CD44: variants seen among roughly 807,000 people sequenced by gnomAD.
CD44 encodes CD44 antigen.
CD44 carries 49 observed loss-of-function variants against 88.8 expected under a neutral mutation model. The ratio of observed to expected loss-of-function variants is 0.55; its 90% CI spans 0.44 to 0.70. CD44 has a LOEUF of 0.70. Ranked by LOEUF, CD44 falls within the 30% of genes least tolerant of loss-of-function variation. The pLI, the probability that CD44 is intolerant of heterozygous loss-of-function variation, is 0.00. For missense variants in CD44, 883 were observed against 913.8 expected, an observed-to-expected ratio of 0.97 and a Z score of 0.43; for synonymous variants, 325 against 312.3, an observed-to-expected ratio of 1.04 and a Z score of -0.43.
intron 7 of CD44, chr11:35,200,580 T>C: frequency 6.4e-6 from 1 of 156,048 alleles, no homozygotes; most frequent in South Asian, 1.9e-4. Flanking sequence ...CTCTAGCTGC[T>C]CAGGCATTCC....
chr11:35,225,054 A>C (rs1445517816), intron 17 of CD44, among the ~76,000 whole-genome samples: 1 of 126,574 alleles, frequency 7.9e-6, no homozygotes, highest in East Asian at 2.2e-4. Context: ...GTGATGATGG[A>C]AATATTCTAT....
At chr11:35,221,305 C>T (rs2134356894) in intron 16 of CD44, among the ~76,000 whole-genome samples, 1 of 152,272 alleles carries the variant, frequency 6.6e-6, no homozygotes, top group South Asian at 2.1e-4. Context: ...AAAAAATGTT[C>T]CTTTCAAAAG....
At chr11:35,204,841 G>A in intron 10 of CD44, 1 of 511,684 alleles carries the variant, frequency 2.0e-6, no homozygotes, top group Non-Finnish European at 3.5e-6. Flanking sequence ...ATACAAGCCA[G>A]TTATGAATAA....
intron 1 of CD44, among the ~76,000 whole-genome samples, chr11:35,171,618 T>A (rs1943899434): frequency 6.6e-6 from 1 of 152,168 alleles, no homozygotes; most frequent in African/African-American, 2.4e-5. Context: ...AAAATGTTCA[T>A]GGAAAAATGA....
At position 35,230,733 on chromosome 11, in the gene CD44, C is replaced by G. The variant is rs889216361; in HGVS notation, c.*1400C>G. On this transcript the variant is annotated 3_prime_UTR_variant, in exon 18 of 18. Transcript: ENST00000428726. The stretch of plus-strand genomic sequence containing the variant: ...TCCTCTAACCTCATATTTTCTCCCA[C>G]TTGGCAAGTCCTTTGTGGCATTTAT... 5.9e-5 allele frequency: 9 copies of G among 152,216 alleles called. No homozygotes were observed. Among genetic ancestry groups the G allele is most frequent in the African/African-American group, 2.2e-4 (9 of 41,456 alleles). The allele number at this position is 152,216 out of a possible 1,614,324, so 9.4% of individuals were successfully genotyped here.
At chr11:35,165,340 G>GA (rs774005188) in intron 1 of CD44, among the ~76,000 whole-genome samples, 4 of 152,202 alleles carry the variant, frequency 2.6e-5, no homozygotes, top group Non-Finnish European at 5.9e-5. Context: ...AGCAGAACTG[G>GA]AAAATCTGAG....
chr11:35,220,924 C>T (rs1445784979), intron 16 of CD44, among the ~76,000 whole-genome samples: 2 of 151,988 alleles, frequency 1.3e-5, no homozygotes, highest in Admixed American at 6.6e-5. Flanking sequence ...CCACCATGCC[C>T]AGCTAATTTT....
chr11:35,200,998 A>G (rs1947260888), intron 7 of CD44, 84 bp from the exon 8 acceptor site: 2 of 960,462 alleles, frequency 2.1e-6, no homozygotes, highest in Non-Finnish European at 1.7e-6. Context: ...TGCATAGCCT[A>G]CAGAAGCAAG....
intron 7 of CD44, among the ~76,000 whole-genome samples, chr11:35,198,749 C>G (rs149107170): frequency 6.6e-6 from 1 of 151,960 alleles, no homozygotes; most frequent in Non-Finnish European, 1.5e-5. Context: ...GAGGCCGAGG[C>G]GGGCAGATGA....
chr11:35,149,930 G>A (rs1423015499), intron 1 of CD44, among the ~76,000 whole-genome samples: 1 of 152,224 alleles, frequency 6.6e-6, no homozygotes, highest in African/African-American at 2.4e-5. Flanking sequence ...GAATCCTCTA[G>A]ACCATGTGGA....
intron 12 of CD44, 153 bp downstream of exon 12, chr11:35,208,359 C>G: frequency 1.6e-6 from 1 of 617,902 alleles, no homozygotes. Context: ...GTCTGTATTT[C>G]TTGTGGAGGT....
rs1397131223 is a variant in CD44, at chr11:35,229,927, A to G, written c.*594A>G. ...GTGTTTTTGAAATATTAAACCCTGG[A>G]TCAGTCCTTTGATCAGTATAATTTT... On this transcript the variant is annotated 3_prime_UTR_variant, in exon 18 of 18. Coordinates refer to ENST00000428726, the MANE Select transcript of CD44 (RefSeq NM_000610.4). 6.5e-6 allele frequency: 1 copy of G among 153,190 alleles called. No individual in the cohort carries two copies. The highest frequency in any genetic ancestry group is 1.5e-5 in the Non-Finnish European group (1 of 68,706). 9.5% of individuals were successfully genotyped at this position (153,190 alleles called of 1,614,324 possible).
intron 5 of CD44, among the ~76,000 whole-genome samples, chr11:35,191,094 A>G (rs530935258): frequency 6.6e-6 from 1 of 152,270 alleles, no homozygotes; most frequent in East Asian, 1.9e-4. Flanking sequence ...TTTTCCTAGT[A>G]TGGTGTGGAT....
intron 17 of CD44, chr11:35,222,584 T>C: frequency 2.6e-6 from 2 of 767,776 alleles, no homozygotes; most frequent in Non-Finnish European, 3.1e-6. Flanking sequence ...ACATGTTATT[T>C]ACATTTTATA....
chr11:35,162,061 A>G (rs1046362717), intron 1 of CD44, among the ~76,000 whole-genome samples: 9 of 152,162 alleles, frequency 5.9e-5, no homozygotes, highest in African/African-American at 1.7e-4. Context: ...CCTGTATACT[A>G]TATCCTCACT....
intron 1 of CD44, among the ~76,000 whole-genome samples, chr11:35,161,051 G>A (rs1250276411): frequency 6.6e-6 from 1 of 152,178 alleles, no homozygotes; most frequent in Non-Finnish European, 1.5e-5. Context: ...GTCTTGAGTG[G>A]TTGTAACCAA....
chr11:35,201,667 G>A lies in CD44; in HGVS notation c.1037-4G>A. Reference sequence around the variant, plus strand: ...CACAGTGTATTTAACCATCATCACAGCAGATGTAGACAGAAATGGCACCAC... The same window carrying A: ...CACAGTGTATTTAACCATCATCACAACAGATGTAGACAGAAATGGCACCAC... On this transcript the variant is annotated splice_polypyrimidine_tract_variant and splice_region_variant and intron_variant, in intron 8 of 17. Transcript: ENST00000428726. 4.3e-6 allele frequency: 7 copies of A among 1,613,570 alleles called. No homozygotes were observed. Among genetic ancestry groups the A allele is most frequent in the Non-Finnish European group, 5.9e-6 (7 of 1,179,582 alleles).
chr11:35,181,936 AT>A (rs368028687), intron 3 of CD44, among the ~76,000 whole-genome samples: 691 of 60,840 alleles, frequency 0.011, 14 homozygotes, highest in Admixed American at 0.02. Context: ...TTATATATAA[AT>A]TATATATAAT....
At chr11:35,150,924 T>G (rs1860198437) in intron 1 of CD44, among the ~76,000 whole-genome samples, 1 of 152,220 alleles carries the variant, frequency 6.6e-6, no homozygotes, top group African/African-American at 2.4e-5. Flanking sequence ...TGGACAGAAA[T>G]GAGGAAAGTG....
Sources: gnomAD v4.1 joint callset for allele counts (sites outside exome capture counted in the v4.1 genomes callset) on GRCh38, gnomAD v4.1.1 for gene constraint, MANE v1.5 for transcripts, NCBI Gene and HGNC (gene_info 2026-07-23, HGNC 2026-07-21) for gene names.